MACROD2: variants seen among roughly 807,000 people sequenced by gnomAD.
The protein encoded by MACROD2 is mono-ADP ribosylhydrolase 2.
Under a neutral mutation model 70.4 loss-of-function variants are expected in MACROD2, and 36 were observed. That is an observed-to-expected ratio of 0.51 (90% CI 0.39 to 0.68). MACROD2 has a LOEUF of 0.68. Ranked by LOEUF, MACROD2 falls within the 30% of genes least tolerant of loss-of-function variation. The pLI is 0.00. For synonymous variants in MACROD2, 172 were observed against 178.8 expected, an observed-to-expected ratio of 0.96 and a Z score of 0.30; for missense variants, 496 against 538.4, an observed-to-expected ratio of 0.92 and a Z score of 0.78.
intron 3 of MACROD2, among the ~76,000 whole-genome samples, chr20:14,168,163 CAT>C (rs1277402942): frequency 1.3e-5 from 2 of 152,024 alleles, no homozygotes; most frequent in Non-Finnish European, 1.5e-5. Context: ...AGTAAAATGA[CAT>C]AGAGGAAGTT....
intron 6 of MACROD2, among the ~76,000 whole-genome samples, chr20:15,408,734 A>T (rs995939507): frequency 6.6e-6 from 1 of 152,232 alleles, no homozygotes; most frequent in Non-Finnish European, 1.5e-5. Context: ...CATTGTGGAA[A>T]GGAAAGAGCT....
At chr20:14,462,103 C>T (rs551112223) in intron 3 of MACROD2, among the ~76,000 whole-genome samples, 19 of 152,114 alleles carry the variant, frequency 1.2e-4, no homozygotes, top group African/African-American at 2.2e-4. Context: ...CCTGAGGAGT[C>T]GCCACACCGA....
intron 5 of MACROD2, among the ~76,000 whole-genome samples, chr20:15,083,886 C>G (rs974317902): frequency 4.6e-5 from 7 of 152,120 alleles, no homozygotes; most frequent in African/African-American, 1.7e-4. Context: ...ATCCTATGTT[C>G]TGTATCTCTG....
At chr20:14,715,698 C>T (rs982254416) in intron 5 of MACROD2, among the ~76,000 whole-genome samples, 4 of 152,152 alleles carry the variant, frequency 2.6e-5, no homozygotes, top group Non-Finnish European at 4.4e-5. Flanking sequence ...AGAACGAAAA[C>T]AGGCCAGGAT....
At chr20:15,742,991 A>C (rs1461557185) in intron 8 of MACROD2, among the ~76,000 whole-genome samples, 1 of 152,182 alleles carries the variant, frequency 6.6e-6, no homozygotes, top group Non-Finnish European at 1.5e-5. Context: ...GATATCTTCA[A>C]TCTCTTTCCC....
chr20:15,557,666 T>A (rs1434880194), intron 8 of MACROD2, among the ~76,000 whole-genome samples: 1 of 152,256 alleles, frequency 6.6e-6, no homozygotes, highest in Non-Finnish European at 1.5e-5. Context: ...TGGTCACACA[T>A]GTTTACTATA....
intron 8 of MACROD2, among the ~76,000 whole-genome samples, chr20:15,513,708 G>T (rs1305719347): frequency 6.6e-6 from 1 of 152,162 alleles, no homozygotes. Flanking sequence ...GTGGCATCTT[G>T]CTTCATTACC....
rs140565998 is a variant in MACROD2 at position 15,138,891 on chromosome 20, G to A, written c.419-91049G>A. ...AATATTTTCATTTGTTTGTTTATTCGCATTTACTTAAGTGTTAATGATTAT... is the reference window on the plus strand; with the variant it reads ...AATATTTTCATTTGTTTGTTTATTCACATTTACTTAAGTGTTAATGATTAT... On this transcript the variant is annotated intron_variant, in intron 5 of 17. Coordinates refer to ENST00000684519, the MANE Select transcript of MACROD2 (RefSeq NM_001351661.2). 1.9e-3 allele frequency among the ~76,000 whole-genome samples: 289 copies of A among 152,174 alleles called. 2 individuals are homozygous for A. The highest frequency in any genetic ancestry group is 5.7e-3 in the African/African-American group (238 of 41,516).
chr20:15,609,067 C>T (rs147257067), intron 8 of MACROD2, among the ~76,000 whole-genome samples: 2 of 152,078 alleles, frequency 1.3e-5, no homozygotes, highest in Non-Finnish European at 2.9e-5. Flanking sequence ...TGCTCTATTC[C>T]TCCAGAAGCA....
At chr20:15,488,822 C>A (rs1047050210) in intron 7 of MACROD2, among the ~76,000 whole-genome samples, 34 of 152,174 alleles carry the variant, frequency 2.2e-4, no homozygotes, top group Non-Finnish European at 8.8e-5. Context: ...AAACCCTATT[C>A]CAGGTGATTC....
At chr20:14,795,900 G>GGAGCCAAGT (rs2072504254) in intron 5 of MACROD2, among the ~76,000 whole-genome samples, 1 of 151,992 alleles carries the variant, frequency 6.6e-6, no homozygotes, top group Admixed American at 6.6e-5. Flanking sequence ...CATGAATAAA[G>GGAGCCAAGT]GAGCCAAGTG....
chr20:14,439,209 T>A (rs1231498782), intron 3 of MACROD2, among the ~76,000 whole-genome samples: 1 of 152,172 alleles, frequency 6.6e-6, no homozygotes. Context: ...ATTTGTTGAC[T>A]GTGTAAGTTC....
intron 5 of MACROD2, among the ~76,000 whole-genome samples, chr20:15,141,715 G>T (rs372586): frequency 0.59 from 89,589 of 151,886 alleles, 26,538 homozygotes; most frequent in East Asian, 0.65. Context: ...TGCCACTTTT[G>T]TTTCAATGCT....
chr20:15,743,198 A>G (rs2051130413), intron 8 of MACROD2, among the ~76,000 whole-genome samples: 2 of 152,160 alleles, frequency 1.3e-5, no homozygotes, highest in African/African-American at 4.8e-5. Context: ...TTCCTGATAT[A>G]TGAACATTTC....
chr20:15,386,523 G>A (rs1284278877), intron 6 of MACROD2, among the ~76,000 whole-genome samples: 2 of 152,174 alleles, frequency 1.3e-5, no homozygotes, highest in East Asian at 1.9e-4. Flanking sequence ...GTCACTAAAA[G>A]TACTATTGAG....
chr20:15,315,978 A>G (rs1211449513), intron 6 of MACROD2, among the ~76,000 whole-genome samples: 2 of 152,104 alleles, frequency 1.3e-5, no homozygotes, highest in East Asian at 1.9e-4. Flanking sequence ...AGCTAAATTG[A>G]TATCAATTCA....
intron 5 of MACROD2, among the ~76,000 whole-genome samples, chr20:15,000,442 T>C (rs1194976977): frequency 7.7e-6 from 1 of 130,522 alleles, no homozygotes; most frequent in Non-Finnish European, 1.6e-5. Context: ...GCTAACACGG[T>C]GAAACCCCGT....
intron 6 of MACROD2, among the ~76,000 whole-genome samples, chr20:15,343,526 A>C (rs963628990): frequency 1.3e-5 from 2 of 152,146 alleles, no homozygotes; most frequent in African/African-American, 4.8e-5. Context: ...CTCTTTATGA[A>C]ACCAAACACT....
At chr20:14,304,106 T>A (rs1225967948) in intron 3 of MACROD2, among the ~76,000 whole-genome samples, 1 of 152,190 alleles carries the variant, frequency 6.6e-6, no homozygotes, top group Non-Finnish European at 1.5e-5. Flanking sequence ...CTCTTACTAC[T>A]TACGAATGCA....
Sources: gnomAD v4.1 joint callset for allele counts (sites outside exome capture counted in the v4.1 genomes callset) on GRCh38, gnomAD v4.1.1 for gene constraint, MANE v1.5 for transcripts, NCBI Gene and HGNC (gene_info 2026-07-23, HGNC 2026-07-21) for gene names.